Variants in CMSS1 observed in about 807,000 individuals in gnomAD.
CMSS1 encodes cms1 ribosomal small subunit homolog, also known as protein CMSS1.
In CMSS1, 33 loss-of-function variants were observed where a neutral mutation model predicts 43.5. The observed-to-expected ratio is 0.76, with a 90% confidence interval of 0.57 to 1.01. CMSS1 has a LOEUF of 1.01. Ranked by LOEUF, CMSS1 falls within the 50% of genes least tolerant of loss-of-function variation. The probability of loss-of-function intolerance (pLI) is 0.00; values close to 1 mark genes in which losing one functional copy is unlikely to be tolerated. For synonymous variants in CMSS1, 115 were observed against 117.2 expected (o/e 0.98, Z 0.12); for missense variants, 313 against 326.4 (o/e 0.96, Z 0.32).
chr3:100,154,722 C>T (rs940062808), intron 2 of CMSS1, among the ~76,000 whole-genome samples: 1 of 152,106 alleles, frequency 6.6e-6, no homozygotes, highest in Non-Finnish European at 1.5e-5. Context: ...CTGTAAATCC[C>T]AGCACTTTGG....
At chr3:99,869,840 G>T (rs1944701087) in intron 1 of CMSS1, among the ~76,000 whole-genome samples, 1 of 152,130 alleles carries the variant, frequency 6.6e-6, no homozygotes, top group Admixed American at 6.5e-5. Context: ...GGACTGGTGG[G>T]CCATGAGACA....
intron 1 of CMSS1, chr3:100,051,249 G>C (rs1329411755): frequency 1.3e-5 from 2 of 151,618 alleles, no homozygotes; most frequent in Non-Finnish European, 2.9e-5. Context: ...AAACTCATTT[G>C]GACACCCACC....
chr3:100,042,863 G>A (rs190665972), intron 1 of CMSS1, among the ~76,000 whole-genome samples: 38 of 152,330 alleles, frequency 2.5e-4, no homozygotes, highest in African/African-American at 9.1e-4. Context: ...ATGGATTGAA[G>A]GAGAGGAATA....
intron 1 of CMSS1, among the ~76,000 whole-genome samples, chr3:100,071,604 C>G (rs1276373295): frequency 1.3e-5 from 2 of 152,148 alleles, no homozygotes; most frequent in African/African-American, 4.8e-5. Flanking sequence ...TTTTTGATGT[C>G]CTCGGGCCAG....
intron 1 of CMSS1, among the ~76,000 whole-genome samples, chr3:100,049,520 A>G (rs1040218185): frequency 6.6e-6 from 1 of 152,198 alleles, no homozygotes; most frequent in African/African-American, 2.4e-5. Context: ...GCAGTACAGA[A>G]AATTAAAATA....
At chr3:99,903,873 C>T (rs961929079) in intron 1 of CMSS1, among the ~76,000 whole-genome samples, 3 of 152,138 alleles carry the variant, frequency 2.0e-5, no homozygotes, top group Non-Finnish European at 4.4e-5. Context: ...CTGTCGTCCC[C>T]TGCTGCTTCA....
chr3:100,016,213 A>C (rs1474912464), intron 1 of CMSS1, among the ~76,000 whole-genome samples: 2 of 152,168 alleles, frequency 1.3e-5, no homozygotes, highest in East Asian at 3.9e-4. Context: ...TGTTTTTGAG[A>C]CGCAGTTTCA....
intron 1 of CMSS1, among the ~76,000 whole-genome samples, chr3:100,124,684 C>G (rs546538747): frequency 6.6e-6 from 1 of 152,230 alleles, no homozygotes; most frequent in South Asian, 2.1e-4. Context: ...AAATACATCC[C>G]CAAATGGCAA....
rs1288023686 is a variant in CMSS1 at position 99,954,687 on chromosome 3, A to G, written c.64+136644A>G. On this transcript the variant is annotated intron_variant, in intron 1 of 9. Transcript: ENST00000421999. The stretch of plus-strand genomic sequence containing the variant: ...CTAAAAATACAAAAATTAGCCAAGC[A>G]TGGTGGTGCCCACCTGTAATCCCAG... Among the ~76,000 whole-genome samples, 5 of 152,044 alleles carry G rather than the reference A, an allele frequency of 3.3e-5. No homozygotes were observed. The East Asian group carries it at 9.7e-4, about 29-fold the overall frequency.
At chr3:99,988,309 A>G (rs1249215115) in intron 1 of CMSS1, among the ~76,000 whole-genome samples, 1 of 147,190 alleles carries the variant, frequency 6.8e-6, no homozygotes, top group Non-Finnish European at 1.5e-5. Flanking sequence ...CATCCTGGTT[A>G]GCATGACAAA....
At chr3:99,866,514 A>AT (rs1455170222) in intron 1 of CMSS1, among the ~76,000 whole-genome samples, 2 of 152,344 alleles carry the variant, frequency 1.3e-5, no homozygotes, top group African/African-American at 4.8e-5. Flanking sequence ...AATGTGAAAC[A>AT]TTTTGATCCT....
intron 1 of CMSS1, among the ~76,000 whole-genome samples, chr3:99,844,848 C>T (rs1036903699): frequency 1.3e-5 from 2 of 152,190 alleles, no homozygotes; most frequent in African/African-American, 2.4e-5. Flanking sequence ...CCCCTGTGCA[C>T]TCTCTCGCTC....
chr3:99,881,535 CTCTT>C (rs1446372619), intron 1 of CMSS1, among the ~76,000 whole-genome samples: 1 of 149,630 alleles, frequency 6.7e-6, no homozygotes, highest in Admixed American at 6.6e-5. Context: ...ATCTCTCTCT[CTCTT>C]TTTTTTTTTT....
chr3:99,995,317 C>G (rs967193407), intron 1 of CMSS1, among the ~76,000 whole-genome samples: 1 of 152,222 alleles, frequency 6.6e-6, no homozygotes, highest in Non-Finnish European at 1.5e-5. Context: ...CCTTTATCCC[C>G]AGGTCTCACA....
chr3:100,053,486 T>G (rs541458623), intron 1 of CMSS1, among the ~76,000 whole-genome samples: 1 of 152,362 alleles, frequency 6.6e-6, no homozygotes, highest in Non-Finnish European at 1.5e-5. Context: ...TCCAAATTTC[T>G]GTCTTCTCAT....
chr3:99,976,809 G>A (rs1708985638), intron 1 of CMSS1, among the ~76,000 whole-genome samples: 1 of 152,094 alleles, frequency 6.6e-6, no homozygotes, highest in Admixed American at 6.5e-5. Flanking sequence ...TTTAGAAGAT[G>A]TTTGACCATT....
intron 1 of CMSS1, among the ~76,000 whole-genome samples, chr3:100,025,854 G>A (rs562383931): frequency 2.0e-5 from 3 of 152,100 alleles, no homozygotes; most frequent in Non-Finnish European, 4.4e-5. Flanking sequence ...ATAATTTGCC[G>A]GTTACCAGGC....
At chr3:100,023,567 T>C (rs1306755633) in intron 1 of CMSS1, 1 of 152,616 alleles carries the variant, frequency 6.6e-6, no homozygotes, top group African/African-American at 2.4e-5. Context: ...GGAGAGAACA[T>C]TTTTGTAAAC....
At chr3:99,838,763 C>G (rs1411931608) in intron 1 of CMSS1, among the ~76,000 whole-genome samples, 1 of 152,144 alleles carries the variant, frequency 6.6e-6, no homozygotes, top group Non-Finnish European at 1.5e-5. Context: ...GAGTTTTAAT[C>G]TACTTATCCC....
Sources: gnomAD v4.1 joint callset for allele counts (sites outside exome capture counted in the v4.1 genomes callset) on GRCh38, gnomAD v4.1.1 for gene constraint, MANE v1.5 for transcripts, NCBI Gene and HGNC (gene_info 2026-07-23, HGNC 2026-07-21) for gene names.